PTPRM: variants seen among roughly 807,000 people sequenced by gnomAD.
The protein encoded by PTPRM is protein tyrosine phosphatase receptor type M.
PTPRM carries 47 observed loss-of-function variants against 186.7 expected under a neutral mutation model. The ratio of observed to expected loss-of-function variants is 0.25; its 90% confidence interval spans 0.20 to 0.32. The LOEUF (loss-of-function observed/expected upper bound fraction) is 0.32. Among genes scored for constraint, PTPRM ranks in the 10% least tolerant of loss-of-function variants. PTPRM has a pLI of 1.00. For synonymous variants in PTPRM, 668 were observed against 674.9 expected (o/e 0.99, Z 0.16); for missense variants, 1,494 against 1,865.0 (o/e 0.80, Z 3.66).
intron 2 of PTPRM, among the ~76,000 whole-genome samples, chr18:7,864,382 A>G (rs374269239): frequency 6.6e-6 from 1 of 152,320 alleles, no homozygotes; most frequent in East Asian, 1.9e-4. Flanking sequence ...TGTAAGGTGT[A>G]AGGAAGGTGT....
At chr18:7,607,070 T>G (rs1391696129) in intron 1 of PTPRM, among the ~76,000 whole-genome samples, 1 of 151,988 alleles carries the variant, frequency 6.6e-6, no homozygotes, top group Non-Finnish European at 1.5e-5. Context: ...TCATGGGAAC[T>G]TCACAAAAGA....
intron 13 of PTPRM, chr18:8,121,757 T>A (rs2092182688): frequency 6.6e-6 from 1 of 152,178 alleles, no homozygotes; most frequent in Non-Finnish European, 1.5e-5. Flanking sequence ...ATATTCTTCT[T>A]TACAAAAGGG....
intron 5 of PTPRM, among the ~76,000 whole-genome samples, chr18:7,929,422 C>T (rs2051352709): frequency 6.6e-6 from 1 of 152,052 alleles, no homozygotes; most frequent in East Asian, 1.9e-4. Flanking sequence ...CCATTTATTG[C>T]CCTGCAGCTT....
At chr18:8,266,268 C>A (rs2094699309) in intron 19 of PTPRM, among the ~76,000 whole-genome samples, 1 of 150,864 alleles carries the variant, frequency 6.6e-6, no homozygotes, top group Non-Finnish European at 1.5e-5. Flanking sequence ...CCTACTCACC[C>A]AGTTCTTAAG....
intron 1 of PTPRM, among the ~76,000 whole-genome samples, chr18:7,771,982 A>C (rs2042288978): frequency 6.6e-6 from 1 of 152,220 alleles, no homozygotes; most frequent in Admixed American, 6.5e-5. Context: ...AGTGGTGTAC[A>C]AAAGCCGTAT....
intron 1 of PTPRM, among the ~76,000 whole-genome samples, chr18:7,677,457 T>G (rs1467795215): frequency 1.3e-5 from 2 of 152,152 alleles, no homozygotes; most frequent in African/African-American, 2.4e-5. Context: ...CCTCTTACCT[T>G]GAACAAGAGA....
chr18:7,773,125 A>G (rs77809899), intron 1 of PTPRM, among the ~76,000 whole-genome samples: 3 of 151,922 alleles, frequency 2.0e-5, no homozygotes, highest in African/African-American at 7.3e-5. Flanking sequence ...TTTTTTTTTA[A>G]GTAGTTTCAT....
At chr18:8,278,314 C>T (rs757578860) in intron 19 of PTPRM, among the ~76,000 whole-genome samples, 13 of 152,176 alleles carry the variant, frequency 8.5e-5, no homozygotes, top group Non-Finnish European at 1.8e-4. Context: ...CTAATTTAAC[C>T]TGAGTGCACA....
rs192598408 is a variant in PTPRM at position 7,754,176 on chromosome 18, C to T, written c.74-19973C>T. Among the ~76,000 whole-genome samples, 22 of 152,218 alleles carry T rather than the reference C, an allele frequency of 1.4e-4. No individual in the cohort carries two copies. The East Asian group carries it at 4.0e-3, about 28-fold the overall frequency. On this transcript the variant is annotated intron_variant, in intron 1 of 32. Transcript: ENST00000580170. ...TGTTGTATGGTTGTGTTTTGGTTTT[C>T]TATTTCTTCTTTACTCTTTTCATCA...
chr18:7,847,101 A>G (rs1463087094), intron 2 of PTPRM, among the ~76,000 whole-genome samples: 1 of 149,778 alleles, frequency 6.7e-6, no homozygotes, highest in Non-Finnish European at 1.5e-5. Flanking sequence ...CAAAGAGCAG[A>G]GTGTAGTGTT....
At chr18:8,090,428 G>A (rs575422525) in intron 11 of PTPRM, among the ~76,000 whole-genome samples, 2 of 152,154 alleles carry the variant, frequency 1.3e-5, no homozygotes, top group African/African-American at 4.8e-5. Context: ...CCAAACTGAA[G>A]GAAGCTGAAA....
rs1873896483 is a variant in PTPRM at position 7,753,519 on chromosome 18, G to A, written c.74-20630G>A. 1.3e-5 allele frequency among the ~76,000 whole-genome samples: 2 copies of A among 152,042 alleles called. 1 individual carries two copies. The highest frequency in any genetic ancestry group is 4.2e-4 in the South Asian group (2 of 4,816). On this transcript the variant is annotated intron_variant, in intron 1 of 32. Transcript: ENST00000580170. ...CTTAGTTTGCCCATCAGCTAAATGA[G>A]CACAGTACATCCTATATGGTAGGGT...
chr18:8,390,853 G>A (rs111815655), intron 31 of PTPRM, among the ~76,000 whole-genome samples: 7,929 of 151,904 alleles, frequency 0.052, 695 homozygotes, highest in African/African-American at 0.18. Context: ...ACGTGAACCC[G>A]GGAGGCGGAG....
intron 7 of PTPRM, among the ~76,000 whole-genome samples, chr18:7,984,828 TATAA>T (rs1181499934): frequency 1.5e-5 from 2 of 135,950 alleles, no homozygotes; most frequent in East Asian, 2.1e-4. Context: ...TATACACATA[TATAA>T]ATATATACAT....
At chr18:7,856,045 T>G (rs1005518472) in intron 2 of PTPRM, among the ~76,000 whole-genome samples, 4 of 152,170 alleles carry the variant, frequency 2.6e-5, no homozygotes, top group African/African-American at 7.2e-5. Flanking sequence ...GATAATTCAA[T>G]GTGAAAAAGG....
chr18:7,996,706 T>C (rs563891213), intron 7 of PTPRM, among the ~76,000 whole-genome samples: 2 of 151,356 alleles, frequency 1.3e-5, no homozygotes, highest in Admixed American at 1.3e-4. Context: ...GGGTACAATA[T>C]CAACATAACA....
chr18:8,042,389 A>G (rs757262237), intron 7 of PTPRM, among the ~76,000 whole-genome samples: 5 of 152,204 alleles, frequency 3.3e-5, no homozygotes, highest in Non-Finnish European at 5.9e-5. Flanking sequence ...GGCATATATC[A>G]AAGAATGAAT....
intron 14 of PTPRM, among the ~76,000 whole-genome samples, chr18:8,234,413 CTT>C (rs1195368646): frequency 1.3e-5 from 2 of 152,120 alleles, no homozygotes; most frequent in African/African-American, 4.8e-5. Context: ...AAAGTATTGA[CTT>C]TTGTATATTA....
Position 8,387,108 on chromosome 18 carries a change from T to C in PTPRM, c.4081T>C (p.Phe1361Leu). 6.2e-7 allele frequency: 1 copy of C among 1,611,800 alleles called. No homozygotes were observed. Among genetic ancestry groups the C allele is most frequent in the East Asian group, 2.2e-5 (1 of 44,860 alleles). The change falls in exon 31 of 33, where the codon TTC becomes CTC. Residue 1361 changes from phenylalanine (F) to leucine (L), a missense_variant. Around this residue, in one of 3 missense-constraint regions of PTPRM, gnomAD observed 1,107 missense variants for 1,350.2 expected, o/e 0.82. Transcript: ENST00000580170. ...DGYRMVQQFQ[F>L]LGWPMYRDTP... is the part of the protein sequence containing the mutation. ...ATATCGGATGGTGCAGCAATTCCAG[T>C]TCCTGGGCTGGCCGATGTACAGGGA...
Sources: allele counts gnomAD v4.1 joint callset (sites outside exome capture counted in the v4.1 genomes callset), GRCh38; gene constraint gnomAD v4.1.1; regional missense constraint gnomAD v4.1.1; transcripts MANE v1.5; gene names NCBI Gene and HGNC (gene_info 2026-07-23, HGNC 2026-07-21).